The following DTNA variants were observed in gnomAD, a reference collection of about 807,000 sequenced individuals.
DTNA encodes the protein dystrobrevin alpha.
A neutral mutation model predicts 100.7 loss-of-function variants in DTNA; 43 were observed. The observed-to-expected ratio is 0.43, with a 90% CI of 0.33 to 0.55. The LOEUF is 0.55. Among genes scored for constraint, DTNA ranks in the 20% least tolerant of loss-of-function variants. The pLI, the probability that DTNA is intolerant of heterozygous loss-of-function variation, is 0.04. For synonymous variants in DTNA, 349 were observed against 347.9 expected, an observed-to-expected ratio of 1.00 and a Z score of -0.04; for missense variants, 798 against 953.9, an observed-to-expected ratio of 0.84 and a Z score of 2.15.
intron 1 of DTNA, among the ~76,000 whole-genome samples, chr18:34,701,047 G>A (rs372405236): frequency 6.6e-6 from 1 of 152,022 alleles, no homozygotes; most frequent in Non-Finnish European, 1.5e-5. Context: ...TCTCTCACAT[G>A]CTCCGTCTCT....
At chr18:34,765,798 C>G (rs2093436089) in intron 2 of DTNA, 163 bp from the exon 3 acceptor site, 3 of 637,720 alleles carry the variant, frequency 4.7e-6, no homozygotes, top group Non-Finnish European at 7.9e-6. Flanking sequence ...AGGAACTTGT[C>G]CTTGAATAGG....
intron 1 of DTNA, among the ~76,000 whole-genome samples, chr18:34,533,089 G>T (rs1228956226): frequency 2.0e-5 from 3 of 151,998 alleles, no homozygotes; most frequent in Non-Finnish European, 4.4e-5. Flanking sequence ...CAGAGAGTGG[G>T]GCTGGATGCA....
intron 1 of DTNA, among the ~76,000 whole-genome samples, chr18:34,726,733 C>A (rs8089945): frequency 0.12 from 17,964 of 152,228 alleles, 1,571 homozygotes; most frequent in African/African-American, 0.24. Flanking sequence ...GGCTGCTCTC[C>A]TGGATTGGAG....
chr18:34,547,076 G>A (rs1225922535), intron 1 of DTNA, among the ~76,000 whole-genome samples: 3 of 151,930 alleles, frequency 2.0e-5, no homozygotes, highest in Non-Finnish European at 1.5e-5. Flanking sequence ...AAGAATAAGT[G>A]TAATATAAGT....
intron 1 of DTNA, among the ~76,000 whole-genome samples, chr18:34,559,362 G>A (rs2046425013): frequency 6.6e-6 from 1 of 152,186 alleles, no homozygotes; most frequent in Admixed American, 6.5e-5. Flanking sequence ...AAAATGAATA[G>A]AGAATTAAAG....
At chr18:34,833,870 C>A (rs563268871) in intron 11 of DTNA, among the ~76,000 whole-genome samples, 85 of 152,260 alleles carry the variant, frequency 5.6e-4, no homozygotes, top group African/African-American at 1.9e-3. Flanking sequence ...GAAGACAAGG[C>A]ATGTAGAACA....
At chr18:34,601,346 T>C (rs1312046091) in intron 1 of DTNA, among the ~76,000 whole-genome samples, 1 of 152,216 alleles carries the variant, frequency 6.6e-6, no homozygotes, top group Non-Finnish European at 1.5e-5. Context: ...CTTTTGGGTG[T>C]TGCCATAGCA....
intron 1 of DTNA, among the ~76,000 whole-genome samples, chr18:34,552,388 T>TA (rs1167642657): frequency 2.0e-5 from 3 of 151,952 alleles, no homozygotes; most frequent in African/African-American, 7.3e-5. Context: ...ATTTTTTTTT[T>TA]AAATTATACT....
rs572362731 is a variant in DTNA, at chr18:34,811,835, A to C, written c.449-124A>C. 141 of 1,150,346 alleles carry C rather than the reference A, an allele frequency of 1.2e-4. 1 individual carries two copies. The South Asian group carries it at 1.8e-3, about 15-fold the overall frequency. The allele number at this position is 1,150,346 out of a possible 1,614,324, so 71.3% of individuals were successfully genotyped here. A position where few individuals can be genotyped will look rare whatever the true frequency, so the allele number is the denominator to read the frequency against. On this transcript the variant is annotated intron_variant, in intron 5 of 22. Transcript: ENST00000444659. ...TATTTCAGCATAAAAATTAGCTTTT[A>C]TATTATTCTTTCATAAAAAATGTTT...
At chr18:34,866,027 C>G in intron 17 of DTNA, 1 of 1,477,480 alleles carries the variant, frequency 6.8e-7, no homozygotes, top group Non-Finnish European at 9.5e-7. Context: ...TGATGTTTCC[C>G]CATCTTGCGT....
intron 1 of DTNA, among the ~76,000 whole-genome samples, chr18:34,692,346 T>G (rs1205084277): frequency 6.6e-6 from 1 of 152,198 alleles, no homozygotes; most frequent in Non-Finnish European, 1.5e-5. Context: ...TATTTAATCT[T>G]CATAATAACC....
chr18:34,860,230 T>G (rs1412221987), intron 16 of DTNA, among the ~76,000 whole-genome samples: 11 of 133,246 alleles, frequency 8.3e-5, no homozygotes, highest in Admixed American at 3.7e-4. Flanking sequence ...GTTTTTTTTT[T>G]TTTTTTTTTT....
chr18:34,685,467 C>T (rs1037316465), intron 1 of DTNA, among the ~76,000 whole-genome samples: 3 of 152,144 alleles, frequency 2.0e-5, no homozygotes, highest in South Asian at 2.1e-4. Context: ...GGCGTTATTT[C>T]TGAGGGCTCT....
intron 1 of DTNA, among the ~76,000 whole-genome samples, chr18:34,735,059 CAT>C (rs2089249784): frequency 6.6e-6 from 1 of 152,106 alleles, no homozygotes; most frequent in Non-Finnish European, 1.5e-5. Context: ...TATACACACA[CAT>C]ACACATATAT....
intron 11 of DTNA, among the ~76,000 whole-genome samples, chr18:34,832,530 C>G (rs2096039713): frequency 6.6e-6 from 1 of 152,162 alleles, no homozygotes; most frequent in Admixed American, 6.5e-5. Flanking sequence ...TTCCTAGAGG[C>G]TCTCCTGACA....
At chr18:34,813,948 C>T (rs548620730) in intron 6 of DTNA, among the ~76,000 whole-genome samples, 6 of 151,990 alleles carry the variant, frequency 3.9e-5, no homozygotes, top group African/African-American at 1.4e-4. Flanking sequence ...ATGTATGGCT[C>T]CTTTTATTTT....
At chr18:34,726,834 G>T (rs1019945821) in intron 1 of DTNA, among the ~76,000 whole-genome samples, 1 of 152,218 alleles carries the variant, frequency 6.6e-6, no homozygotes, top group Non-Finnish European at 1.5e-5. Context: ...CCTTCTCACA[G>T]CTCCACTAGG....
chr18:34,615,623 CA>C (rs1201579948), intron 1 of DTNA, among the ~76,000 whole-genome samples: 8 of 152,038 alleles, frequency 5.3e-5, no homozygotes, highest in South Asian at 2.1e-4. Context: ...AGATACATTG[CA>C]TGTCACGGGG....
intron 1 of DTNA, among the ~76,000 whole-genome samples, chr18:34,636,155 A>AT (rs983762314): frequency 6.6e-6 from 1 of 151,942 alleles, no homozygotes; most frequent in Non-Finnish European, 1.5e-5. Flanking sequence ...AAGAAAATTA[A>AT]TTTTTTTTGA....
Sources: allele counts gnomAD v4.1 joint callset (sites outside exome capture counted in the v4.1 genomes callset), GRCh38; gene constraint gnomAD v4.1.1; transcripts MANE v1.5; gene names NCBI Gene and HGNC (gene_info 2026-07-23, HGNC 2026-07-21).